The following CCND3 variants were observed in gnomAD, a reference collection of about 807,000 sequenced individuals.
CCND3 encodes cyclin D3, also known as G1/S-specific cyclin-D3.
In CCND3, 9 loss-of-function variants were observed where a neutral mutation model predicts 28.7. The observed-to-expected ratio is 0.31, with a 90% CI of 0.19 to 0.55. The LOEUF is 0.55. Among genes scored for constraint, CCND3 ranks in the 20% least tolerant of loss-of-function variants. The pLI is 0.93. For missense variants in CCND3, 315 were observed against 385.8 expected, an observed-to-expected ratio of 0.82 and a Z score of 1.54; for synonymous variants, 164 against 163.9, an observed-to-expected ratio of 1.00 and a Z score of 0.00.
rs774997841 is a variant in CCND3 at position 41,964,330 on chromosome 6, ATGTGTGTGTGAATG to A, written c.-45-23759_-45-23746del. 2.4e-3 allele frequency among the ~76,000 whole-genome samples: 230 copies of A among 94,616 alleles called. 1 individual carries two copies. Among genetic ancestry groups the A allele is most frequent in the African/African-American group, 7.0e-3 (212 of 30,128 alleles). 62.1% of individuals were successfully genotyped at this position (94,616 alleles called of 152,430 possible). A position where few individuals can be genotyped will look rare whatever the true frequency, so the allele number is the denominator to read the frequency against. ...AATGTGTGTGAGTCTGTGTGTGTGA[ATGTGTGTGTGAATG>A]TGTGTGAGTCTGTGTGTGTATGTGT... On this transcript the variant is annotated intron_variant, in intron 1 of 4. Transcript: ENST00000372988.
At chr6:41,959,530 A>G (rs1226195588) in intron 1 of CCND3, among the ~76,000 whole-genome samples, 1 of 151,462 alleles carries the variant, frequency 6.6e-6, no homozygotes, top group Non-Finnish European at 1.5e-5. Context: ...TAAAAATACA[A>G]AAAATTAGCT....
chr6:41,964,350 G>C (rs1250029259), intron 1 of CCND3, among the ~76,000 whole-genome samples: 1 of 148,712 alleles, frequency 6.7e-6, no homozygotes, highest in African/African-American at 2.5e-5. Context: ...GAATGTGTGT[G>C]AGTCTGTGTG....
At chr6:41,981,846 A>G (rs1313258657) in intron 1 of CCND3, among the ~76,000 whole-genome samples, 1 of 152,114 alleles carries the variant, frequency 6.6e-6, no homozygotes, top group East Asian at 1.9e-4. Context: ...TTAATATACA[A>G]AAGTCAAAGC....
intron 1 of CCND3, among the ~76,000 whole-genome samples, chr6:42,025,002 G>A (rs1416417045): frequency 6.6e-6 from 1 of 152,188 alleles, no homozygotes; most frequent in East Asian, 1.9e-4. Context: ...AGGTTGCAGT[G>A]AGACGAGATC....
At chr6:41,973,953 T>C (rs1314098704) in intron 1 of CCND3, among the ~76,000 whole-genome samples, 1 of 152,098 alleles carries the variant, frequency 6.6e-6, no homozygotes, top group Non-Finnish European at 1.5e-5. Context: ...GAGGCTGAGG[T>C]GGGTGGATCA....
At chr6:41,951,993 CT>C (rs1776329873) in intron 1 of CCND3, among the ~76,000 whole-genome samples, 3 of 152,032 alleles carry the variant, frequency 2.0e-5, no homozygotes, top group Non-Finnish European at 4.4e-5. Flanking sequence ...AACTCCTGAC[CT>C]CAGGTGATCC....
chr6:42,038,771 AC>A (rs1243055451), intron 1 of CCND3, among the ~76,000 whole-genome samples: 1 of 152,150 alleles, frequency 6.6e-6, no homozygotes, highest in Non-Finnish European at 1.5e-5. Flanking sequence ...GAGTAAAAAG[AC>A]CCAAAAGCAA....
At chr6:41,982,902 A>G (rs994491643) in intron 1 of CCND3, among the ~76,000 whole-genome samples, 1 of 139,698 alleles carries the variant, frequency 7.2e-6, no homozygotes, top group African/African-American at 2.7e-5. Context: ...AAAAAAAAAA[A>G]GAATCTAGAT....
At chr6:42,028,191 T>C (rs1763938171) in intron 1 of CCND3, among the ~76,000 whole-genome samples, 1 of 152,154 alleles carries the variant, frequency 6.6e-6, no homozygotes, top group African/African-American at 2.4e-5. Context: ...AGCATGGGAA[T>C]ACGGAGGACA....
At chr6:41,977,520 C>T (rs1348731347) in intron 1 of CCND3, among the ~76,000 whole-genome samples, 5 of 152,094 alleles carry the variant, frequency 3.3e-5, no homozygotes, top group African/African-American at 9.7e-5. Flanking sequence ...GCACCTGCCA[C>T]GATGCCCAGC....
chr6:41,979,463 G>A (rs1398539981), intron 1 of CCND3, among the ~76,000 whole-genome samples: 1 of 150,788 alleles, frequency 6.6e-6, no homozygotes, highest in East Asian at 1.9e-4. Context: ...GAACCTGGGA[G>A]GTGGAGCTTG....
chr6:42,027,333 G>A (rs886859992), intron 1 of CCND3, among the ~76,000 whole-genome samples: 2 of 151,962 alleles, frequency 1.3e-5, no homozygotes, highest in Non-Finnish European at 2.9e-5. Flanking sequence ...CCAGCTACTC[G>A]GTAGGCTGAG....
At chr6:41,975,257 T>G (rs1582123499) in intron 1 of CCND3, among the ~76,000 whole-genome samples, 1 of 152,224 alleles carries the variant, frequency 6.6e-6, no homozygotes, top group Non-Finnish European at 1.5e-5. Context: ...ACAAGAACAC[T>G]GTGAGCTTCG....
At position 41,939,040 on chromosome 6, in the gene CCND3, T is replaced by C. The variant is rs528884413; in HGVS notation, c.414+1330A>G. Among the ~76,000 whole-genome samples the C allele has an allele frequency of 1.2e-4, 19 of 152,286 alleles. No homozygotes were observed. The South Asian group carries it at 1.5e-3, about 12-fold the overall frequency. On this transcript the variant is annotated intron_variant, in intron 2 of 4. Coordinates refer to ENST00000372991, the MANE Select transcript of CCND3 (RefSeq NM_001760.5). This position sits in a 1 kb window ranked among gnomAD's most constrained non-coding sequence, Gnocchi z 4.2. ...ACAAAAAGGAAGTTCCCCTTCTACCTTCCAGCCCCAACCCCTCCAAAAACA... is the reference window on the plus strand; with the variant it reads ...ACAAAAAGGAAGTTCCCCTTCTACCCTCCAGCCCCAACCCCTCCAAAAACA...
intron 1 of CCND3, among the ~76,000 whole-genome samples, chr6:42,042,152 G>A (rs1230406849): frequency 2.0e-5 from 3 of 152,176 alleles, no homozygotes; most frequent in Admixed American, 6.5e-5. Context: ...GAAGCCATAG[G>A]TGGGATGGTG....
chr6:42,002,181 C>G (rs944911323), intron 1 of CCND3, among the ~76,000 whole-genome samples: 1 of 151,372 alleles, frequency 6.6e-6, no homozygotes, highest in Non-Finnish European at 1.5e-5. Context: ...CATGGTGGCT[C>G]ACACCTGTAA....
chr6:41,952,081 G>T (rs990825652), intron 1 of CCND3, among the ~76,000 whole-genome samples: 1 of 152,124 alleles, frequency 6.6e-6, no homozygotes, highest in Non-Finnish European at 1.5e-5. Flanking sequence ...CTTGTTAAGT[G>T]CTTTCTCCTA....
chr6:42,015,912 A>G (rs990301151), intron 1 of CCND3, among the ~76,000 whole-genome samples: 6 of 151,552 alleles, frequency 4.0e-5, no homozygotes, highest in African/African-American at 1.5e-4. Flanking sequence ...CACGTATACA[A>G]TACGTTTTTA....
chr6:42,012,294 T>G (rs1257944239), intron 1 of CCND3, among the ~76,000 whole-genome samples: 1 of 151,776 alleles, frequency 6.6e-6, no homozygotes, highest in African/African-American at 2.4e-5. Context: ...TAATCCCAGC[T>G]ACTTGGGAGG....
Sources: gnomAD v4.1 joint callset for allele counts (sites outside exome capture counted in the v4.1 genomes callset) on GRCh38, gnomAD v4.1.1 for gene constraint, Gnocchi (gnomAD v3.1) non-coding constraint, MANE v1.5 for transcripts, NCBI Gene and HGNC (gene_info 2026-07-23, HGNC 2026-07-21) for gene names.